The following NAALADL2 variants were observed in gnomAD, a reference collection of about 807,000 sequenced individuals.
The protein encoded by NAALADL2 is inactive N-acetylated-alpha-linked acidic dipeptidase-like protein 2.
Under a neutral mutation model 87.2 loss-of-function variants are expected in NAALADL2, and 76 were observed. The ratio of observed to expected loss-of-function variants is 0.87; its 90% CI spans 0.72 to 1.05. The LOEUF is 1.05. Ranked by LOEUF, NAALADL2 falls within the 50% of genes least tolerant of loss-of-function variation. NAALADL2 has a pLI of 0.00. For missense variants in NAALADL2, 1,089 were observed against 945.8 expected (o/e 1.15, Z -1.99); for synonymous variants, 354 against 331.0 (o/e 1.07, Z -0.75).
At chr3:174,803,466 G>C (rs1303323095) in intron 3 of NAALADL2, among the ~76,000 whole-genome samples, 1 of 152,226 alleles carries the variant, frequency 6.6e-6, no homozygotes, top group Non-Finnish European at 1.5e-5. Context: ...CTGTGCAGAA[G>C]CTCTTTAGTT....
Position 175,314,688 on chromosome 3 carries a change from A to ATGTATATATAGTTCTAAC in NAALADL2, c.940-9486_940-9485insGTATATATAGTTCTAACT, listed in dbSNP as rs1553857529. ...TAACTATATATATATATATATATAT[A>ATGTATATATAGTTCTAAC]TATATATATATATATATATATATAT... On this transcript the variant is annotated intron_variant, in intron 4 of 13. Transcript: ENST00000454872. Among the ~76,000 whole-genome samples the ATGTATATATAGTTCTAAC allele has an allele frequency of 2.1e-3, 85 of 39,620 alleles. 2 individuals are homozygous for ATGTATATATAGTTCTAAC. Among genetic ancestry groups the ATGTATATATAGTTCTAAC allele is most frequent in the Non-Finnish European group, 3.2e-3 (73 of 22,516 alleles). The allele number at this position is 39,620 out of a possible 152,430, so 26.0% of individuals were successfully genotyped here. A position where few individuals can be genotyped will look rare whatever the true frequency, so the allele number is the denominator to read the frequency against.
rs3040106 is a variant in NAALADL2 at position 174,819,058 on chromosome 3, C to CTTTTTTTTTTTTTTTTTTTTTTTTTTTT, written c.-9+81313_-9+81340dup. Reference sequence around the variant, plus strand: ...GAATTTCTTTATTATACCATTTATTCTTTTTTTTTTTTTTTTTTTTTTTTT... The same window carrying CTTTTTTTTTTTTTTTTTTTTTTTTTTTT: ...GAATTTCTTTATTATACCATTTATTCTTTTTTTTTTTTTTTTTTTTTTTTTTTTTTTTTTTTTTTTTTTTTTTTTTTTT... On this transcript the variant is annotated intron_variant, in intron 3 of 3. Transcript: ENST00000434257. Among the ~76,000 whole-genome samples, 26 of 47,544 alleles carry CTTTTTTTTTTTTTTTTTTTTTTTTTTTT rather than the reference C, an allele frequency of 5.5e-4. 4 individuals are homozygous for CTTTTTTTTTTTTTTTTTTTTTTTTTTTT. Among genetic ancestry groups the CTTTTTTTTTTTTTTTTTTTTTTTTTTTT allele is most frequent in the East Asian group, 1.5e-3 (2 of 1,378 alleles). The allele number at this position is 47,544 out of a possible 152,430, so 31.2% of individuals were successfully genotyped here. A position where few individuals can be genotyped will look rare whatever the true frequency, so the allele number is the denominator to read the frequency against.
chr3:174,935,110 C>A (rs374735420), intron 1 of NAALADL2, among the ~76,000 whole-genome samples: 5 of 151,990 alleles, frequency 3.3e-5, no homozygotes, highest in South Asian at 2.1e-4. Flanking sequence ...ATTCAAAGAA[C>A]ATTCTGTAAA....
chr3:174,927,886 C>CA (rs1390719228), intron 1 of NAALADL2, among the ~76,000 whole-genome samples: 1 of 152,006 alleles, frequency 6.6e-6, no homozygotes, highest in Admixed American at 6.6e-5. Flanking sequence ...GATAGAGACA[C>CA]AAAAAACCCT....
chr3:175,055,689 AT>A (rs1711995889), intron 1 of NAALADL2, among the ~76,000 whole-genome samples: 1 of 152,124 alleles, frequency 6.6e-6, no homozygotes, highest in Admixed American at 6.5e-5. Flanking sequence ...TTTTGGACAT[AT>A]TTCAGGCTCA....
At chr3:175,006,568 AT>A (rs201770964) in intron 1 of NAALADL2, among the ~76,000 whole-genome samples, 20 of 150,028 alleles carry the variant, frequency 1.3e-4, no homozygotes, top group South Asian at 2.1e-4. Flanking sequence ...TGGTGCAAGT[AT>A]TTTTTTTTCT....
At chr3:175,577,069 A>G (rs1719008337) in intron 10 of NAALADL2, among the ~76,000 whole-genome samples, 1 of 152,204 alleles carries the variant, frequency 6.6e-6, no homozygotes, top group South Asian at 2.1e-4. Flanking sequence ...CACAGAAAAT[A>G]TTTTAATTCT....
At chr3:175,449,038 A>G (rs367709966) in intron 6 of NAALADL2, among the ~76,000 whole-genome samples, 17 of 152,072 alleles carry the variant, frequency 1.1e-4, no homozygotes, top group Admixed American at 8.5e-4. Flanking sequence ...ATGTTGTAAA[A>G]TGTTATGTAA....
intron 2 of NAALADL2, among the ~76,000 whole-genome samples, chr3:174,704,537 C>T (rs1048651516): frequency 1.3e-5 from 2 of 151,694 alleles, no homozygotes; most frequent in African/African-American, 4.8e-5. Context: ...ACCAAAATAA[C>T]TAATACTGGA....
rs1043393894 is a variant in NAALADL2 at position 175,392,080 on chromosome 3, G to A, written c.1091-55149G>A. ...TCAAGATCACAGTTTCTAAGAAACA[G>A]CGTCCTATATTTGAACCCAAATAGT... On this transcript the variant is annotated intron_variant, in intron 5 of 13. Transcript: ENST00000454872. 8.3e-4 allele frequency among the ~76,000 whole-genome samples: 127 copies of A among 152,148 alleles called. 1 individual carries two copies. Among genetic ancestry groups the A allele is most frequent in the African/African-American group, 3.0e-3 (123 of 41,444 alleles).
chr3:174,991,170 T>G (rs1485793488), intron 1 of NAALADL2, among the ~76,000 whole-genome samples: 1 of 152,192 alleles, frequency 6.6e-6, no homozygotes, highest in Non-Finnish European at 1.5e-5. Flanking sequence ...CCTGTATATT[T>G]AGTCTTCATT....
chr3:175,697,432 C>CACACACACAAAA (rs71626217), intron 11 of NAALADL2, among the ~76,000 whole-genome samples: 1 of 147,630 alleles, frequency 6.8e-6, no homozygotes, highest in African/African-American at 2.5e-5. Context: ...CACACACACA[C>CACACACACAAAA]AAAACCCTAC....
chr3:175,065,023 C>CAG (rs1395849938), intron 1 of NAALADL2, among the ~76,000 whole-genome samples: 1 of 151,402 alleles, frequency 6.6e-6, no homozygotes, highest in Non-Finnish European at 1.5e-5. Flanking sequence ...AATAATATAT[C>CAG]AGAGTAAAAA....
intron 1 of NAALADL2, among the ~76,000 whole-genome samples, chr3:175,007,233 T>G (rs1749161492): frequency 6.6e-6 from 1 of 151,598 alleles, no homozygotes; most frequent in Non-Finnish European, 1.5e-5. Flanking sequence ...GCTAGTAAAT[T>G]TTGGGTTAAT....
chr3:175,110,253 C>G (rs1723959134), intron 2 of NAALADL2, among the ~76,000 whole-genome samples: 1 of 151,760 alleles, frequency 6.6e-6, no homozygotes. Context: ...TCATTTTAAT[C>G]AGTTGCAATC....
intron 9 of NAALADL2, among the ~76,000 whole-genome samples, chr3:175,559,176 A>G (rs1186986200): frequency 6.6e-6 from 1 of 151,898 alleles, no homozygotes; most frequent in African/African-American, 2.4e-5. Flanking sequence ...TATTAATTTT[A>G]TTTGTGGCTA....
chr3:175,578,716 C>T (rs1327787491), intron 10 of NAALADL2, among the ~76,000 whole-genome samples: 1 of 152,096 alleles, frequency 6.6e-6, no homozygotes, highest in African/African-American at 2.4e-5. Context: ...ACTATTATAC[C>T]AAAGACTGCA....
intron 1 of NAALADL2, among the ~76,000 whole-genome samples, chr3:174,527,902 C>T (rs952554866): frequency 1.3e-5 from 2 of 152,018 alleles, no homozygotes; most frequent in East Asian, 1.9e-4. Context: ...TGAACTAGAC[C>T]GGGGCTGGCA....
chr3:175,641,991 A>G (rs1231118422), intron 11 of NAALADL2, among the ~76,000 whole-genome samples: 2 of 152,208 alleles, frequency 1.3e-5, no homozygotes, highest in Non-Finnish European at 2.9e-5. Context: ...ATATTTATGT[A>G]TTAGAGAATG....
Sources: gnomAD v4.1 joint callset for allele counts (sites outside exome capture counted in the v4.1 genomes callset) on GRCh38, gnomAD v4.1.1 for gene constraint, MANE v1.5 for transcripts, NCBI Gene and HGNC (gene_info 2026-07-23, HGNC 2026-07-21) for gene names.